Variants in RHPN1 observed in about 807,000 individuals in gnomAD.
RHPN1 encodes rhophilin-1.
RHPN1 carries 77 observed loss-of-function variants against 74.7 expected under a neutral mutation model. The ratio of observed to expected loss-of-function variants is 1.03; its 90% confidence interval spans 0.86 to 1.25. The LOEUF (loss-of-function observed/expected upper bound fraction) is 1.25, where lower values mean the gene tolerates loss of function less well. RHPN1 is among the 50% of genes most tolerant of loss of function. The pLI is 0.00. For synonymous variants in RHPN1, 444 were observed against 414.5 expected, an observed-to-expected ratio of 1.07 and a Z score of -0.87; for missense variants, 987 against 932.2, an observed-to-expected ratio of 1.06 and a Z score of -0.77.
chr8:143,376,579 C>G lies in RHPN1; in HGVS notation c.231C>G (p.Val77=), dbSNP rs368435108. The change falls in exon 3 of 15, where the codon GTC becomes GTG. Residue 77 remains valine (V), a synonymous_variant. Transcript: ENST00000289013. ...RETVALELSY[V]NSNLQLLKEE... is the part of the protein sequence containing the mutation. ...CGGTCGCCCTGGAGCTGAGCTACGTCAACTCCAACCTGCAGCTGCTGAAGG... is the reference window on the plus strand; with the variant it reads ...CGGTCGCCCTGGAGCTGAGCTACGTGAACTCCAACCTGCAGCTGCTGAAGG... 2 of 1,609,868 alleles carry G rather than the reference C, an allele frequency of 1.2e-6. No individual in the cohort carries two copies. The highest frequency in any genetic ancestry group is 1.3e-5 in the African/African-American group (1 of 74,834).
chr8:143,365,858 G>C (rs114153166), upstream of RHPN1, among the ~76,000 whole-genome samples: 9,189 of 152,026 alleles, frequency 0.06, 392 homozygotes, highest in South Asian at 0.16. Context: ...TTATCTGGAT[G>C]TGGTGGCGCA....
intron 1 of RHPN1, among the ~76,000 whole-genome samples, chr8:143,374,998 G>A (rs1818118193): frequency 6.6e-6 from 1 of 152,216 alleles, no homozygotes; most frequent in Admixed American, 6.5e-5. Context: ...CCCAAAGTCA[G>A]ACCGCAGCCT....
At chr8:143,371,506 C>G (rs1817819267) in intron 1 of RHPN1, among the ~76,000 whole-genome samples, 1 of 152,098 alleles carries the variant, frequency 6.6e-6, no homozygotes, top group Admixed American at 6.5e-5. Context: ...TCTGGCCCTG[C>G]TCTGATGTTT....
upstream of RHPN1, among the ~76,000 whole-genome samples, chr8:143,364,492 C>A (rs1817537718): frequency 6.6e-6 from 1 of 152,162 alleles, no homozygotes; most frequent in Non-Finnish European, 1.5e-5. The surrounding 1 kb of genome is among the most constrained non-coding windows in gnomAD (Gnocchi z 4.5). Flanking sequence ...CCCACCAGGG[C>A]CTGGCAGGGC....
chr8:143,380,102 C>A lies in RHPN1; in HGVS notation c.1143C>A (p.Phe381Leu). 6.4e-7 allele frequency: 1 copy of A among 1,552,772 alleles called. No homozygotes were observed. Among genetic ancestry groups the A allele is most frequent in the African/African-American group, 1.4e-5 (1 of 73,394 alleles). ...EGELPTHEQV[F>L]LQPPTSSKPR... ...AGCTCCCCACGCACGAGCAGGTCTT[C>A]CTGCAGCCCCCCACCTCCTCTAAGC... Residue 381 changes from phenylalanine (F) to leucine (L), a missense_variant, in exon 10 of 15, where the codon TTC (phenylalanine) becomes TTA (leucine). Physicochemically the swap from Phe to Leu is conservative, Grantham distance 22. Coordinates refer to ENST00000289013, the MANE Select transcript of RHPN1 (RefSeq NM_052924.3).
upstream of RHPN1, chr8:143,366,979 G>A (rs557437952): frequency 4.6e-5 from 7 of 152,386 alleles, no homozygotes; most frequent in South Asian, 6.2e-4. Context: ...TGGAAGCATC[G>A]GCCCATGCTC....
Position 143,381,619 on chromosome 8 carries a change from G to T in RHPN1, c.1536G>T (p.Gly512=). 6.2e-7 allele frequency: 1 copy of T among 1,610,500 alleles called. No individual in the cohort carries two copies. Among genetic ancestry groups the T allele is most frequent in the Non-Finnish European group, 8.5e-7 (1 of 1,179,320 alleles). The change falls in exon 13 of 15, where the codon GGG becomes GGT. Residue 512 remains glycine (G), a synonymous_variant. Coordinates refer to ENST00000289013, the MANE Select transcript of RHPN1 (RefSeq NM_052924.3). Reference sequence around the variant, plus strand: ...CCAAGAACCGGTGGCGGCTGGTGGGGCCCGTCCACCTGACCCGAGGAGAGG... The same window carrying T: ...CCAAGAACCGGTGGCGGCTGGTGGGTCCCGTCCACCTGACCCGAGGAGAGG... ...FSAKNRWRLV[G]PVHLTRGEGG...
intron 1 of RHPN1, among the ~76,000 whole-genome samples, chr8:143,369,868 C>T (rs1455481727): frequency 6.6e-6 from 1 of 152,184 alleles, no homozygotes; most frequent in East Asian, 1.9e-4. Flanking sequence ...TGGTTCTACT[C>T]GGCTTTGGTG....
rs200199618 is a variant in RHPN1, at chr8:143,381,890, G to C, written c.1719G>C (p.Thr573=). ...GGTGGAGACACGCGGAGGTGGTGAC[G>C]GAGCTGAAGGCTGCGGGAGAGGCGG... ...CRWWRHAEVV[T]ELKAAGEAGA... The change falls in exon 14 of 15, where the codon ACG becomes ACC. Residue 573 remains threonine (T), a synonymous_variant. Coordinates refer to ENST00000289013, the MANE Select transcript of RHPN1 (RefSeq NM_052924.3). The C allele has an allele frequency of 2.0e-5, 33 of 1,612,762 alleles. No homozygotes were observed. The highest frequency in any genetic ancestry group is 2.6e-5 in the Non-Finnish European group (31 of 1,179,700).
intron 1 of RHPN1, among the ~76,000 whole-genome samples, chr8:143,373,826 C>G (rs1437111480): frequency 6.6e-6 from 1 of 152,048 alleles, no homozygotes; most frequent in Non-Finnish European, 1.5e-5. Context: ...GTATAAGGAC[C>G]CTTGTCACTG....
rs371230736 is a variant in RHPN1, at chr8:143,380,700, C to T, written c.1328C>T (p.Thr443Met). The T allele has an allele frequency of 2.1e-5, 34 of 1,588,694 alleles. 1 individual carries two copies. The highest frequency in any genetic ancestry group is 1.5e-4 in the African/African-American group (11 of 74,436). Residue 443 changes from threonine (T) to methionine (M), a missense_variant, in exon 11 of 15, where the codon ACG becomes ATG. Transcript: ENST00000289013. ...CTGCTTCGGGCTGTGATCTCCCAGA[C>T]GCTGCAGCGCTCACTGGCCAAGTAT... ...VDLLRAVISQ[T>M]LQRSLAKYAE...
rs1818544155 is a variant in RHPN1, at chr8:143,379,470, T to A, written c.907T>A (p.Cys303Ser). The change falls in exon 8 of 15, where the codon TGC becomes AGC. Residue 303 changes from cysteine (C) to serine (S), a missense_variant. Physicochemically the swap from Cys to Ser is moderately radical, Grantham distance 112. Transcript: ENST00000289013. ...SPPASMAPQD[C>S]LAQLRLAQEA... ...ACCTGCCTCCATGGCCCCCCAAGAC[T>A]GCCTGGCCCAGCTGCGCCTGGCGCA... 1 of 1,567,974 alleles carries A rather than the reference T, an allele frequency of 6.4e-7. No individual in the cohort carries two copies. The highest frequency in any genetic ancestry group is 8.6e-7 in the Non-Finnish European group (1 of 1,156,916).
intron 3 of RHPN1, among the ~76,000 whole-genome samples, chr8:143,376,953 T>C (rs1411749812): frequency 6.6e-6 from 1 of 151,272 alleles, no homozygotes; most frequent in Non-Finnish European, 1.5e-5. Context: ...TCTGTGCGTG[T>C]GTCTGTGTGC....
At chr8:143,369,830 G>T (rs1252764537) in intron 1 of RHPN1, among the ~76,000 whole-genome samples, 2 of 152,242 alleles carry the variant, frequency 1.3e-5, no homozygotes, top group Non-Finnish European at 2.9e-5. Context: ...CCTCCCCTCT[G>T]GGACGTCAGA....
At chr8:143,370,681 G>T (rs1817764522) in intron 1 of RHPN1, among the ~76,000 whole-genome samples, 2 of 152,254 alleles carry the variant, frequency 1.3e-5, no homozygotes, top group South Asian at 4.1e-4. Flanking sequence ...CCCAAGCCCT[G>T]GGCCTCAGCC....
Position 143,369,037 on chromosome 8 carries a change from C to T in RHPN1, c.50C>T (p.Pro17Leu). The T allele has an allele frequency of 6.7e-7, 1 of 1,494,842 alleles. No individual in the cohort carries two copies. The highest frequency in any genetic ancestry group is 8.8e-7 in the Non-Finnish European group (1 of 1,130,064). 92.6% of individuals were successfully genotyped at this position (1,494,842 alleles called of 1,614,324 possible). The change falls in exon 1 of 15, where the codon CCG becomes CTG. Residue 17 changes from proline (P) to leucine (L), a missense_variant. Pro to Leu is a moderately conservative substitution (Grantham distance 98). Coordinates refer to ENST00000289013, the MANE Select transcript of RHPN1 (RefSeq NM_052924.3). Reference protein sequence around the residue: ...PDGAGAGEESPRLQGCDSLTQ... With the variant: ...PDGAGAGEESLRLQGCDSLTQ... The stretch of plus-strand genomic sequence containing the variant: ...GGCGCGGGCGCCGGCGAGGAGAGCC[C>T]GCGGCTGCAGGTGCGCAGAACTGGC...
intron 10 of RHPN1, 23 bp downstream of exon 10, chr8:143,380,198 G>A: frequency 6.8e-7 from 1 of 1,467,476 alleles, no homozygotes; most frequent in South Asian, 1.3e-5. Context: ...TGGGTGGAGT[G>A]CCCTGGGGCT....
upstream of RHPN1, among the ~76,000 whole-genome samples, chr8:143,364,578 T>C (rs2130514102): frequency 6.6e-6 from 1 of 151,990 alleles, no homozygotes; most frequent in African/African-American, 2.4e-5. The surrounding 1 kb of genome is among the most constrained non-coding windows in gnomAD (Gnocchi z 4.5). Flanking sequence ...GGCAAGCTAA[T>C]GTTCTCAGTG....
Position 143,380,184 on chromosome 8 carries a change from C to A in RHPN1, c.1216+9C>A. On this transcript the variant is annotated intron_variant, in intron 10 of 14. Transcript: ENST00000289013. ...GGAGCGCAGGCAGCTTGGTAAGGCG[C>A]CCATGGGTGGAGTGCCCTGGGGCTC... The A allele has an allele frequency of 6.6e-7, 1 of 1,525,200 alleles. No homozygotes were observed. Among genetic ancestry groups the A allele is most frequent in the Non-Finnish European group, 8.8e-7 (1 of 1,134,632 alleles). The allele number at this position is 1,525,200 out of a possible 1,614,324, so 94.5% of individuals were successfully genotyped here. A position where few individuals can be genotyped will look rare whatever the true frequency, so the allele number is the denominator to read the frequency against.
Sources: allele counts gnomAD v4.1 joint callset (sites outside exome capture counted in the v4.1 genomes callset), GRCh38; gene constraint gnomAD v4.1.1; non-coding constraint Gnocchi (gnomAD v3.1); transcripts MANE v1.5; gene names NCBI Gene and HGNC (gene_info 2026-07-23, HGNC 2026-07-21).